PSTPIP2: variants seen among roughly 807,000 people sequenced by gnomAD.
PSTPIP2 encodes the protein proline-serine-threonine phosphatase-interacting protein 2.
PSTPIP2 carries 33 observed loss-of-function variants against 63.3 expected under a neutral mutation model. That is an observed-to-expected ratio of 0.52 (90% CI 0.40 to 0.70). The LOEUF (loss-of-function observed/expected upper bound fraction) is 0.70. PSTPIP2 is among the 30% of genes least tolerant of loss of function. PSTPIP2 has a pLI of 0.00. For synonymous variants in PSTPIP2, 125 were observed against 132.7 expected (o/e 0.94, Z 0.40); for missense variants, 312 against 400.7 (o/e 0.78, Z 1.89).
chr18:46,015,004 A>T (rs146199493), intron 4 of PSTPIP2, among the ~76,000 whole-genome samples: 90 of 152,312 alleles, frequency 5.9e-4, no homozygotes, highest in African/African-American at 2.2e-3. Flanking sequence ...AAAGGGACAG[A>T]GAAGTAGCCA....
intron 14 of PSTPIP2, among the ~76,000 whole-genome samples, chr18:45,987,572 A>G (rs1599689402): frequency 6.7e-6 from 1 of 149,968 alleles, no homozygotes; most frequent in Admixed American, 6.7e-5. Context: ...TCAAAGCAGT[A>G]ACACATTTTC....
At chr18:46,058,228 T>A (rs1908843194) in intron 1 of PSTPIP2, among the ~76,000 whole-genome samples, 1 of 152,144 alleles carries the variant, frequency 6.6e-6, no homozygotes, top group South Asian at 2.1e-4. Context: ...AAAGATCCTC[T>A]ATGAGTAATT....
intron 2 of PSTPIP2, among the ~76,000 whole-genome samples, chr18:46,035,431 AAG>A (rs199568142): frequency 0.02 from 661 of 33,314 alleles, 10 homozygotes; most frequent in East Asian, 0.12. Flanking sequence ...AAAAAAAAAA[AAG>A]AAAAGAGAGA....
intron 2 of PSTPIP2, chr18:46,028,771 G>A: frequency 9.2e-7 from 1 of 1,086,180 alleles, no homozygotes; most frequent in Non-Finnish European, 1.4e-6. Flanking sequence ...ATTCCAGCAT[G>A]CCGTGGGAGG....
chr18:46,047,812 A>G (rs1190951754), intron 1 of PSTPIP2, among the ~76,000 whole-genome samples: 1 of 152,230 alleles, frequency 6.6e-6, no homozygotes, highest in Non-Finnish European at 1.5e-5. Flanking sequence ...TAAGGCAAGA[A>G]TTTTCCATGG....
chr18:46,027,365 T>A (rs1263814305), intron 2 of PSTPIP2, among the ~76,000 whole-genome samples: 1 of 151,252 alleles, frequency 6.6e-6, no homozygotes, highest in African/African-American at 2.4e-5. Flanking sequence ...AAATTTTTTT[T>A]AAAGAATAAG....
chr18:46,057,997 CAA>C (rs71177701), intron 1 of PSTPIP2, among the ~76,000 whole-genome samples: 56,011 of 99,578 alleles, frequency 0.56, 11,673 homozygotes, highest in Middle Eastern at 0.68. Context: ...GACTCCGTCT[CAA>C]AAAAAAAAAA....
At chr18:46,071,409 G>C (rs1440108817) in intron 1 of PSTPIP2, among the ~76,000 whole-genome samples, 1 of 152,180 alleles carries the variant, frequency 6.6e-6, no homozygotes. Flanking sequence ...AAGAGGACTA[G>C]ACAGAGGAGG....
At chr18:45,985,641 C>T (rs1293638307) in intron 14 of PSTPIP2, among the ~76,000 whole-genome samples, 191 bp from the exon 15 acceptor site, 1 of 152,142 alleles carries the variant, frequency 6.6e-6, no homozygotes, top group Non-Finnish European at 1.5e-5. Context: ...ATAATACATA[C>T]ATTTACATTT....
intron 5 of PSTPIP2, among the ~76,000 whole-genome samples, chr18:46,008,042 G>C (rs1453738476): frequency 6.6e-6 from 1 of 152,176 alleles, no homozygotes; most frequent in African/African-American, 2.4e-5. Flanking sequence ...AGCCAAAGGT[G>C]CCCTTTCAGA....
chr18:46,063,578 G>C (rs1193484872), intron 1 of PSTPIP2, among the ~76,000 whole-genome samples: 4 of 151,742 alleles, frequency 2.6e-5, no homozygotes, highest in Non-Finnish European at 5.9e-5. Context: ...GCCTCTCACT[G>C]TGTCATGCCT....
intron 5 of PSTPIP2, among the ~76,000 whole-genome samples, 192 bp from the exon 6 acceptor site, chr18:46,005,723 T>C (rs1484459984): frequency 6.6e-6 from 1 of 152,216 alleles, no homozygotes; most frequent in Non-Finnish European, 1.5e-5. Context: ...GGGCCCATCT[T>C]TGAACTTGTG....
rs115212195 is a variant in PSTPIP2, at chr18:46,058,511, C to T, written c.33+13645G>A. 2.3e-3 allele frequency among the ~76,000 whole-genome samples: 348 copies of T among 152,090 alleles called. 3 individuals carry two copies. Among genetic ancestry groups the T allele is most frequent in the African/African-American group, 8.0e-3 (331 of 41,516 alleles). Reference sequence around the variant, plus strand: ...AGCTGGGACTACAGGGGTGCGCCACCACACCCAGCTATTTATTTTTTGTAT... The same window carrying T: ...AGCTGGGACTACAGGGGTGCGCCACTACACCCAGCTATTTATTTTTTGTAT... On this transcript the variant is annotated intron_variant, in intron 1 of 14. Transcript: ENST00000409746.
At chr18:46,018,638 G>A (rs1267329950) in intron 3 of PSTPIP2, among the ~76,000 whole-genome samples, 1 of 152,032 alleles carries the variant, frequency 6.6e-6, no homozygotes, top group Non-Finnish European at 1.5e-5. Flanking sequence ...CAAAGTGCTG[G>A]GATTTCAGGC....
At chr18:46,031,793 C>T (rs974960359) in intron 2 of PSTPIP2, among the ~76,000 whole-genome samples, 76 of 152,088 alleles carry the variant, frequency 5.0e-4, no homozygotes, top group African/African-American at 1.6e-3. Flanking sequence ...AGGAAGACAT[C>T]GTGAATCTAA....
intron 13 of PSTPIP2, 32 bp downstream of exon 13, chr18:45,990,690 A>C: frequency 6.4e-7 from 1 of 1,570,618 alleles, no homozygotes; most frequent in Non-Finnish European, 8.8e-7. Flanking sequence ...TTGCAATATA[A>C]GAATTTCAAA....
At chr18:46,028,926 C>G in intron 2 of PSTPIP2, 1 of 1,439,618 alleles carries the variant, frequency 6.9e-7, no homozygotes, top group South Asian at 1.1e-5. Flanking sequence ...AGATGAAGAA[C>G]TGCCAGCATG....
chr18:46,005,391 A>G (rs1190851259), intron 6 of PSTPIP2, 78 bp downstream of exon 6: 16 of 1,145,600 alleles, frequency 1.4e-5, no homozygotes, highest in Non-Finnish European at 1.9e-5. Context: ...TTATTTGAGT[A>G]GGAATATGTT....
At chr18:46,028,709 C>G in intron 2 of PSTPIP2, 1 of 882,778 alleles carries the variant, frequency 1.1e-6, no homozygotes, top group East Asian at 2.5e-5. Flanking sequence ...ATGAAAAATG[C>G]TAGTGAAAGT....
Sources: gnomAD v4.1 joint callset for allele counts (sites outside exome capture counted in the v4.1 genomes callset) on GRCh38, gnomAD v4.1.1 for gene constraint, MANE v1.5 for transcripts, NCBI Gene and HGNC (gene_info 2026-07-23, HGNC 2026-07-21) for gene names.